The following EXOC2 variants were observed in gnomAD, a reference collection of about 807,000 sequenced individuals.
The protein encoded by EXOC2 is exocyst complex component 2.
EXOC2 carries 70 observed loss-of-function variants against 131.8 expected under a neutral mutation model. That is an observed-to-expected ratio of 0.53 (90% confidence interval 0.44 to 0.65). The LOEUF is 0.65. EXOC2 is among the 30% of genes least tolerant of loss of function. The probability of loss-of-function intolerance (pLI) is 0.00; values close to 1 mark genes in which losing one functional copy is unlikely to be tolerated. For missense variants in EXOC2, 923 were observed against 1,108.6 expected, an observed-to-expected ratio of 0.83 and a Z score of 2.38; for synonymous variants, 411 against 398.4, an observed-to-expected ratio of 1.03 and a Z score of -0.38.
chr6:689,547 C>G (rs1423280068), intron 1 of EXOC2, among the ~76,000 whole-genome samples: 2 of 152,210 alleles, frequency 1.3e-5, no homozygotes, highest in African/African-American at 4.8e-5. Flanking sequence ...CAAAGCTTCC[C>G]AATTACTCTA....
Position 624,876 on chromosome 6 carries a change from A to C in EXOC2, c.422+4959T>G, listed in dbSNP as rs150315609. Among the ~76,000 whole-genome samples, 124 of 152,360 alleles carry C rather than the reference A, an allele frequency of 8.1e-4. 2 individuals are homozygous for C. The highest frequency in any genetic ancestry group is 2.8e-3 in the African/African-American group (117 of 41,582). On this transcript the variant is annotated intron_variant, in intron 4 of 27. Coordinates refer to ENST00000230449, the MANE Select transcript of EXOC2 (RefSeq NM_018303.6). ...TTTCGGATTCTACATTTCCAAGTGA[A>C]GTCCCGGCTCAGACACATCAGAAAA...
chr6:677,298 T>C (rs1562005078), intron 1 of EXOC2, among the ~76,000 whole-genome samples: 1 of 152,256 alleles, frequency 6.6e-6, no homozygotes, highest in Non-Finnish European at 1.5e-5. Context: ...TATTACACTT[T>C]ATAGGGATTT....
At chr6:681,653 T>C (rs1562009835) in intron 1 of EXOC2, among the ~76,000 whole-genome samples, 1 of 152,192 alleles carries the variant, frequency 6.6e-6, no homozygotes, top group Non-Finnish European at 1.5e-5. Flanking sequence ...AATCCAGCCA[T>C]AAAAGAGAAT....
intron 23 of EXOC2, among the ~76,000 whole-genome samples, chr6:531,616 C>T (rs1473350291): frequency 2.0e-5 from 3 of 152,204 alleles, no homozygotes; most frequent in Admixed American, 6.5e-5. Flanking sequence ...ATTTTATCAT[C>T]GTTTAGTATA....
intron 16 of EXOC2, 27 bp downstream of exon 16, chr6:564,006 G>A (rs1246179752): frequency 1.2e-6 from 2 of 1,610,372 alleles, no homozygotes; most frequent in Non-Finnish European, 8.5e-7. Flanking sequence ...ATTGCACAGT[G>A]AACGTCACCG....
At chr6:634,322 T>A (rs145774413) in intron 2 of EXOC2, among the ~76,000 whole-genome samples, 225 of 152,336 alleles carry the variant, frequency 1.5e-3, no homozygotes, top group African/African-American at 4.5e-3. Context: ...TGGCCTCAAG[T>A]GATCCACCTG....
At chr6:495,349 C>T (rs1479741957) in intron 25 of EXOC2, among the ~76,000 whole-genome samples, 5 of 152,094 alleles carry the variant, frequency 3.3e-5, no homozygotes, top group South Asian at 2.1e-4. Flanking sequence ...TGGTCTCGAT[C>T]TCCTGACCTC....
chr6:555,134 G>A (rs986290985), intron 20 of EXOC2, 93 bp downstream of exon 20: 1 of 587,046 alleles, frequency 1.7e-6, no homozygotes, highest in African/African-American at 1.9e-5. Flanking sequence ...TTTCTTACTA[G>A]AAGTCTTAGG....
At chr6:682,170 C>G (rs943582476) in intron 1 of EXOC2, among the ~76,000 whole-genome samples, 4 of 151,892 alleles carry the variant, frequency 2.6e-5, no homozygotes, top group African/African-American at 9.7e-5. Context: ...TTGACCATTC[C>G]GCAGTTCCTA....
chr6:565,571 T>C lies in EXOC2; in HGVS notation c.1444-642A>G, dbSNP rs961777309. Among the ~76,000 whole-genome samples the C allele has an allele frequency of 4.6e-5, 7 of 152,296 alleles. No homozygotes were observed. The South Asian group carries it at 1.0e-3, about 23-fold the overall frequency. On this transcript the variant is annotated intron_variant, in intron 13 of 27. Transcript: ENST00000230449. ...TTTATTAACAAATTTTCTAACTAAA[T>C]ATTTTTATATAAAATAACCTAGAAG...
chr6:656,933 G>A lies in EXOC2; in HGVS notation c.-43-19072C>T, dbSNP rs141227587. Reference sequence around the variant, plus strand: ...GACAGCCTTTGCCGGTGATCTTGGCGCGAAACTTCATGATGCCACAGGGAA... The same window carrying A: ...GACAGCCTTTGCCGGTGATCTTGGCACGAAACTTCATGATGCCACAGGGAA... On this transcript the variant is annotated intron_variant, in intron 1 of 27. Transcript: ENST00000230449. The A allele has an allele frequency of 3.2e-5, 49 of 1,524,038 alleles. No homozygotes were observed. In the African/African-American group the frequency reaches 5.8e-4, roughly 18 times the overall value. 94.4% of individuals were successfully genotyped at this position (1,524,038 alleles called of 1,614,324 possible). A position where few individuals can be genotyped will look rare whatever the true frequency, so the allele number is the denominator to read the frequency against.
rs540303427 is a variant in EXOC2 at position 550,665 on chromosome 6, C to T, written c.2122-1374G>A. Among the ~76,000 whole-genome samples, 120 of 152,316 alleles carry T rather than the reference C, an allele frequency of 7.9e-4. 1 individual carries two copies. The highest frequency in any genetic ancestry group is 2.8e-3 in the African/African-American group (117 of 41,558). ...AAACAGTGAATAAGCACTGGAAACT[C>T]GCCCAGGTGAGGGAGGGACGAGGAC... On this transcript the variant is annotated intron_variant, in intron 21 of 27. Transcript: ENST00000230449.
At chr6:685,933 G>A (rs1278365994) in intron 1 of EXOC2, among the ~76,000 whole-genome samples, 2 of 142,014 alleles carry the variant, frequency 1.4e-5, no homozygotes, top group Non-Finnish European at 3.0e-5. Context: ...GGACTGAACA[G>A]GTAAGAAGTA....
chr6:611,918 C>T (rs1760735338), intron 6 of EXOC2, among the ~76,000 whole-genome samples: 1 of 152,194 alleles, frequency 6.6e-6, no homozygotes, highest in African/African-American at 2.4e-5. Context: ...TACTTCACTA[C>T]AATTATTTGA....
At chr6:607,232 A>G (rs1760468129) in intron 7 of EXOC2, among the ~76,000 whole-genome samples, 1 of 152,208 alleles carries the variant, frequency 6.6e-6, no homozygotes. Context: ...TCAAAACCAC[A>G]CACACAGCAC....
At chr6:509,533 C>T (rs1459934605) in intron 23 of EXOC2, among the ~76,000 whole-genome samples, 3 of 152,134 alleles carry the variant, frequency 2.0e-5, no homozygotes, top group African/African-American at 2.4e-5. Context: ...ACATTCTTAA[C>T]AGCTATTTGA....
At chr6:517,312 G>A (rs1029696944) in intron 23 of EXOC2, among the ~76,000 whole-genome samples, 1 of 152,010 alleles carries the variant, frequency 6.6e-6, no homozygotes, top group African/African-American at 2.4e-5. Context: ...CCCACCTGAA[G>A]AGACTCCCAC....
intron 22 of EXOC2, among the ~76,000 whole-genome samples, chr6:539,916 A>G (rs544346640): frequency 2.6e-5 from 4 of 152,358 alleles, no homozygotes; most frequent in Middle Eastern, 3.4e-3. Context: ...ACTGAACCAC[A>G]ACTTGTCAAA....
intron 1 of EXOC2, among the ~76,000 whole-genome samples, chr6:681,114 A>AAT (rs1369525676): frequency 6.6e-6 from 1 of 152,220 alleles, no homozygotes; most frequent in Non-Finnish European, 1.5e-5. Flanking sequence ...CTTTTAAACC[A>AAT]ATAAATCTGG....
Sources: gnomAD v4.1 joint callset for allele counts (sites outside exome capture counted in the v4.1 genomes callset) on GRCh38, gnomAD v4.1.1 for gene constraint, MANE v1.5 for transcripts, NCBI Gene and HGNC (gene_info 2026-07-23, HGNC 2026-07-21) for gene names.